RMP24: variants seen among roughly 807,000 people sequenced by gnomAD.
RMP24 encodes ribonuclease MRP subunit p24.
the RMP24 span, among the ~76,000 whole-genome samples, chr18:35,975,436 T>C: frequency 1.3e-5 from 2 of 152,234 alleles, no homozygotes; most frequent in African/African-American, 4.8e-5. Context: ...CAGTTAATGC[T>C]CCTTTGCTTC....
At chr18:35,977,173 A>C in the RMP24 span, among the ~76,000 whole-genome samples, 1 of 151,944 alleles carries the variant, frequency 6.6e-6, no homozygotes, top group Non-Finnish European at 1.5e-5. Context: ...CAGTGAGCTG[A>C]GATCACGCCA....
the RMP24 span, among the ~76,000 whole-genome samples, chr18:35,977,982 T>C: frequency 3.3e-5 from 5 of 152,192 alleles, no homozygotes; most frequent in African/African-American, 1.2e-4. Context: ...AAATGACAGG[T>C]ACATTCAAAA....
chr18:35,972,822 G>C, the RMP24 span: 1 of 1,614,212 alleles, frequency 6.2e-7, no homozygotes, highest in South Asian at 1.1e-5. Flanking sequence ...GGACTGGAGG[G>C]GAAGCGGGAG....
At chr18:35,974,923 G>T in the RMP24 span, 1 of 1,614,140 alleles carries the variant, frequency 6.2e-7, no homozygotes, top group Non-Finnish European at 8.5e-7. Context: ...GAAGAAACGT[G>T]TCCATACTGT....
At chr18:35,977,269 T>TC in the RMP24 span, 4 of 677,312 alleles carry the variant, frequency 5.9e-6, no homozygotes, top group South Asian at 3.1e-5. Flanking sequence ...GATTGCAAGT[T>TC]CCCCAAGGAC....
At chr18:35,972,709 C>T in the RMP24 span, 28 of 1,599,452 alleles carry the variant, frequency 1.8e-5, no homozygotes, top group East Asian at 9.0e-5. Flanking sequence ...CGCGGCGAGC[C>T]AGCGGCAGCG....
At chr18:35,976,030 C>A in the RMP24 span, among the ~76,000 whole-genome samples, 3 of 151,818 alleles carry the variant, frequency 2.0e-5, no homozygotes, top group East Asian at 5.8e-4. Context: ...GGGAAGACAG[C>A]AAATGCTGCC....
At chr18:35,976,138 A>ATTTTTTTTT in the RMP24 span, among the ~76,000 whole-genome samples, 2 of 72,758 alleles carry the variant, frequency 2.7e-5, no homozygotes, top group Admixed American at 1.9e-4. Context: ...TGTTTTTCTG[A>ATTTTTTTTT]TTTTTTTTTT....
the RMP24 span, chr18:35,977,607 T>G: frequency 1.9e-6 from 3 of 1,604,516 alleles, no homozygotes; most frequent in Non-Finnish European, 2.5e-6. Context: ...TCAGGTATCT[T>G]AATCCATGAA....
chr18:35,978,805 A>G, the RMP24 span: 9 of 1,545,040 alleles, frequency 5.8e-6, no homozygotes, highest in African/African-American at 1.4e-5. Context: ...ATTTGTTGGT[A>G]TAACTAAGTG....
chr18:35,973,008 A>AT, the RMP24 span: 1 of 1,484,694 alleles, frequency 6.7e-7, no homozygotes, highest in Non-Finnish European at 9.4e-7. Flanking sequence ...ACTTCCCTCC[A>AT]TAAAAACAAC....
chr18:35,978,895 G>C, the RMP24 span: 3 of 1,613,182 alleles, frequency 1.9e-6, no homozygotes, highest in South Asian at 2.2e-5. Context: ...GCAAAACAAA[G>C]AAACACTTCT....
chr18:35,977,751 T>C, the RMP24 span: 1 of 705,564 alleles, frequency 1.4e-6, no homozygotes, highest in Admixed American at 3.0e-5. Flanking sequence ...TACTCCCATA[T>C]CTTCAATGCT....
chr18:35,978,859 A>G, the RMP24 span: 2 of 1,609,010 alleles, frequency 1.2e-6, no homozygotes, highest in Admixed American at 1.7e-5. Flanking sequence ...GACAGTCAGT[A>G]TCTACTTGCT....
the RMP24 span, among the ~76,000 whole-genome samples, chr18:35,974,528 C>A: frequency 6.6e-6 from 1 of 152,180 alleles, no homozygotes; most frequent in Admixed American, 6.5e-5. Flanking sequence ...GAAACAAAAT[C>A]GCAGTGCAAT....
chr18:35,972,703 G>A, the RMP24 span: 1 of 1,593,572 alleles, frequency 6.3e-7, no homozygotes, highest in Non-Finnish European at 8.5e-7. Flanking sequence ...GGTTCCCGCG[G>A]CGAGCCAGCG....
At chr18:35,975,220 T>C in the RMP24 span, 1 of 747,140 alleles carries the variant, frequency 1.3e-6, no homozygotes, top group East Asian at 2.7e-5. Context: ...ATTATCAAAA[T>C]ATATACATAA....
chr18:35,975,695 C>T, the RMP24 span, among the ~76,000 whole-genome samples: 5 of 152,206 alleles, frequency 3.3e-5, no homozygotes, highest in Non-Finnish European at 5.9e-5. Context: ...CACTTTATAT[C>T]CCTGCATATT....
At chr18:35,975,334 A>G in the RMP24 span, among the ~76,000 whole-genome samples, 1 of 152,216 alleles carries the variant, frequency 6.6e-6, no homozygotes, top group Non-Finnish European at 1.5e-5. Context: ...TTGAGATCCC[A>G]TTGTTGAGCA....
Sources: allele counts gnomAD v4.1 joint callset (sites outside exome capture counted in the v4.1 genomes callset), GRCh38; gene constraint gnomAD v4.1.1; transcripts MANE v1.5; gene names NCBI Gene and HGNC (gene_info 2026-07-23, HGNC 2026-07-21).